Variants in FGF1 observed in about 807,000 individuals in gnomAD.
FGF1 encodes beta-endothelial cell growth factor.
A neutral mutation model predicts 13.4 loss-of-function variants in FGF1; 9 were observed. That is an observed-to-expected ratio of 0.67 (90% CI 0.40 to 1.17). The LOEUF is 1.17. Among genes scored for constraint, FGF1 ranks in the 50% most tolerant of loss-of-function variants. The pLI, the probability that FGF1 is intolerant of heterozygous loss-of-function variation, is 0.01. For missense variants in FGF1, 156 were observed against 192.7 expected (o/e 0.81, Z 1.13); for synonymous variants, 93 against 79.0 (o/e 1.18, Z -0.94).
intron 2 of FGF1, among the ~76,000 whole-genome samples, chr5:142,613,344 A>C (rs545396807): frequency 6.6e-6 from 1 of 152,260 alleles, no homozygotes; most frequent in Non-Finnish European, 1.5e-5. Context: ...CCTGGAAGAG[A>C]TATTCAGCAT....
intron 1 of FGF1, among the ~76,000 whole-genome samples, chr5:142,671,411 C>T (rs1381441674): frequency 6.6e-6 from 1 of 152,216 alleles, no homozygotes; most frequent in Non-Finnish European, 1.5e-5. Context: ...TTTTCTTTTG[C>T]CTGCTTTGTT....
intron 1 of FGF1, 32 bp downstream of exon 1, chr5:142,685,925 C>CTGT (rs1751081181): frequency 6.6e-6 from 1 of 152,254 alleles, no homozygotes; most frequent in Admixed American, 6.6e-5. Context: ...ATAACCTGCT[C>CTGT]TGTTTCCCAG....
At chr5:142,650,694 TG>T (rs1210550351) in intron 1 of FGF1, among the ~76,000 whole-genome samples, 1 of 152,048 alleles carries the variant, frequency 6.6e-6, no homozygotes, top group Non-Finnish European at 1.5e-5. Flanking sequence ...ACACACACTA[TG>T]TATACTGTGG....
intron 1 of FGF1, among the ~76,000 whole-genome samples, chr5:142,647,850 G>C (rs1766445449): frequency 1.3e-5 from 2 of 152,164 alleles, no homozygotes; most frequent in East Asian, 3.9e-4. Flanking sequence ...TTGGGAGACT[G>C]AGGTGGGCAG....
At chr5:142,596,246 G>A (rs1296170145) in intron 3 of FGF1, among the ~76,000 whole-genome samples, 1 of 152,168 alleles carries the variant, frequency 6.6e-6, no homozygotes, top group Non-Finnish European at 1.5e-5. Flanking sequence ...GAGGCAGGAG[G>A]ATTGCTTGAG....
chr5:142,634,117 C>CG (rs1561619758), intron 1 of FGF1, among the ~76,000 whole-genome samples: 1 of 148,470 alleles, frequency 6.7e-6, no homozygotes, highest in African/African-American at 2.5e-5. Flanking sequence ...GGCGTGAATC[C>CG]GGGAGGCGGA....
chr5:142,598,438 C>T (rs572708678), intron 3 of FGF1, among the ~76,000 whole-genome samples: 272 of 152,150 alleles, frequency 1.8e-3, no homozygotes, highest in Non-Finnish European at 2.9e-3. Context: ...AAATTGTCTT[C>T]TTTTTTATAT....
intron 2 of FGF1, among the ~76,000 whole-genome samples, chr5:142,608,539 CATCTATAT>C (rs1179689497): frequency 2.8e-5 from 2 of 72,068 alleles, no homozygotes; most frequent in South Asian, 5.3e-4. Context: ...TATATATACA[CATCTATAT>C]ATATATATAT....
At chr5:142,695,449 G>A (rs748385377) in intron 2 of FGF1, among the ~76,000 whole-genome samples, 3 of 152,062 alleles carry the variant, frequency 2.0e-5, no homozygotes, top group Non-Finnish European at 4.4e-5. Context: ...GGGTGTGGTG[G>A]TGGATGCCTG....
Position 142,613,860 on chromosome 5 carries a change from T to C in FGF1, c.169+99A>G, listed in dbSNP as rs1759611453. The C allele has an allele frequency of 8.7e-6, 11 of 1,269,616 alleles. No individual in the cohort carries two copies. In the East Asian group the frequency reaches 2.7e-4, roughly 31 times the overall value. 78.6% of individuals were successfully genotyped at this position (1,269,616 alleles called of 1,614,324 possible). ...AATGTGTCATGCCTGAATAGAACCT[T>C]GGAGAAGCAAGTACCTGTACTTAAA... is the stretch of plus-strand genomic sequence containing the variant. On this transcript the variant is annotated intron_variant, in intron 2 of 3. Transcript: ENST00000337706.
chr5:142,616,964 TTTGTA>T (rs1396282937), intron 1 of FGF1, among the ~76,000 whole-genome samples: 4 of 152,222 alleles, frequency 2.6e-5, no homozygotes, highest in Non-Finnish European at 4.4e-5. Context: ...CAAATAGTCA[TTTGTA>T]TTGTCAATCT....
intron 1 of FGF1, among the ~76,000 whole-genome samples, chr5:142,675,762 T>A (rs758587337): frequency 2.6e-5 from 4 of 152,144 alleles, no homozygotes; most frequent in African/African-American, 9.7e-5. Flanking sequence ...GCTGTGCAAT[T>A]TACCACCTAT....
intron 1 of FGF1, among the ~76,000 whole-genome samples, chr5:142,676,356 C>T (rs907772364): frequency 1.3e-5 from 2 of 152,342 alleles, no homozygotes; most frequent in East Asian, 3.9e-4. Flanking sequence ...TACATTCTTA[C>T]ACCAATCCTA....
chr5:142,640,802 G>A (rs568992963), intron 1 of FGF1, among the ~76,000 whole-genome samples: 1 of 152,036 alleles, frequency 6.6e-6, no homozygotes, highest in Admixed American at 6.5e-5. Flanking sequence ...GCTGTTTGTG[G>A]CAGTCACTGT....
At chr5:142,643,086 G>A (rs145650163) in intron 1 of FGF1, among the ~76,000 whole-genome samples, 97 of 152,130 alleles carry the variant, frequency 6.4e-4, no homozygotes, top group African/African-American at 2.2e-3. Flanking sequence ...TATATCCAAC[G>A]CACCCCAGGA....
rs34001 is a variant in FGF1, at chr5:142,594,034, C to A, written c.*1256G>T. 76,565 of 152,422 alleles carry A rather than the reference C, an allele frequency of 0.5. 20,211 individuals are homozygous for A. The highest frequency in any genetic ancestry group is 0.67 in the African/African-American group (27,725 of 41,464). 9.4% of individuals were successfully genotyped at this position (152,422 alleles called of 1,614,324 possible). Reference sequence around the variant, plus strand: ...CATTTTATAGGCATTGGGCCAAAGCCTCTTAAAATCATGCTCCTTAGTACA... The same window carrying A: ...CATTTTATAGGCATTGGGCCAAAGCATCTTAAAATCATGCTCCTTAGTACA... On this transcript the variant is annotated 3_prime_UTR_variant, in exon 4 of 4. Coordinates refer to ENST00000337706, the MANE Select transcript of FGF1 (RefSeq NM_000800.5).
intron 1 of FGF1, among the ~76,000 whole-genome samples, chr5:142,639,800 A>G (rs1394355129): frequency 6.6e-6 from 1 of 152,036 alleles, no homozygotes; most frequent in East Asian, 1.9e-4. Context: ...TCATTTCACA[A>G]TGGACACATA....
chr5:142,608,530 A>G (rs533385962), intron 2 of FGF1, among the ~76,000 whole-genome samples: 1 of 131,720 alleles, frequency 7.6e-6, no homozygotes, highest in South Asian at 2.5e-4. Flanking sequence ...ATATATAAAT[A>G]TATATACACA....
intron 2 of FGF1, among the ~76,000 whole-genome samples, chr5:142,604,917 G>A (rs530218247): frequency 4.0e-4 from 61 of 152,228 alleles, no homozygotes; most frequent in African/African-American, 1.4e-3. Flanking sequence ...GATCACACAT[G>A]GACAAGATGG....
Sources: allele counts gnomAD v4.1 joint callset (sites outside exome capture counted in the v4.1 genomes callset), GRCh38; gene constraint gnomAD v4.1.1; transcripts MANE v1.5; gene names NCBI Gene and HGNC (gene_info 2026-07-23, HGNC 2026-07-21).